The following ENTPD7 variants were observed in gnomAD, a reference collection of about 807,000 sequenced individuals.
ENTPD7 encodes ectonucleoside triphosphate diphosphohydrolase 7, also known as NTPDase 7.
Under a neutral mutation model 77.9 loss-of-function variants are expected in ENTPD7, and 53 were observed. The ratio of observed to expected loss-of-function variants is 0.68; its 90% CI spans 0.55 to 0.85. The LOEUF (loss-of-function observed/expected upper bound fraction) is 0.85, where lower values mean the gene tolerates loss of function less well. Among genes scored for constraint, ENTPD7 ranks in the 40% least tolerant of loss-of-function variants. ENTPD7 has a pLI of 0.00. For synonymous variants in ENTPD7, 248 were observed against 274.9 expected, an observed-to-expected ratio of 0.90 and a Z score of 0.97; for missense variants, 636 against 743.7, an observed-to-expected ratio of 0.86 and a Z score of 1.68.
chr10:99,702,815 A>C (rs946679083), intron 12 of ENTPD7, 142 bp downstream of exon 12: 2 of 659,018 alleles, frequency 3.0e-6, no homozygotes, highest in Non-Finnish European at 4.6e-6. Context: ...ACAAAAACAA[A>C]CTCCTTTACT....
intron 3 of ENTPD7, among the ~76,000 whole-genome samples, chr10:99,674,256 T>C (rs1209003565): frequency 6.6e-6 from 1 of 152,212 alleles, no homozygotes; most frequent in African/African-American, 2.4e-5. Context: ...TGAGACACTT[T>C]TGGGAGTCTG....
At chr10:99,698,974 C>A in intron 10 of ENTPD7, 116 bp downstream of exon 10, 1 of 976,496 alleles carries the variant, frequency 1.0e-6, no homozygotes, top group Non-Finnish European at 1.5e-6. Context: ...TTGTTCTTTG[C>A]AGGAGCCCTT....
rs2036294261 is a variant in ENTPD7 at position 99,708,450 on chromosome 10, TC to T, written c.*3768del. Among the ~76,000 whole-genome samples, 1 of 152,226 alleles carries T rather than the reference TC, an allele frequency of 6.6e-6. No homozygotes were observed. Among genetic ancestry groups the T allele is most frequent in the Admixed American group, 6.5e-5 (1 of 15,286 alleles). On this transcript the variant is annotated 3_prime_UTR_variant, in exon 13 of 13. Coordinates refer to ENST00000370489, the MANE Select transcript of ENTPD7 (RefSeq NM_020354.5). Reference sequence around the variant, plus strand: ...ACGAATAGCAGACCTGGATTCTAGTTCTGGCTTTGTCATTTACTAGCTCTGG... The same window carrying T: ...ACGAATAGCAGACCTGGATTCTAGTTTGGCTTTGTCATTTACTAGCTCTGG...
intron 3 of ENTPD7, among the ~76,000 whole-genome samples, chr10:99,668,340 A>G (rs558520877): frequency 2.0e-5 from 3 of 152,276 alleles, no homozygotes; most frequent in South Asian, 4.1e-4. Context: ...AGGTGAATCT[A>G]ATATACCACC....
intron 3 of ENTPD7, among the ~76,000 whole-genome samples, chr10:99,674,026 G>A (rs745730671): frequency 3.9e-5 from 6 of 152,252 alleles, no homozygotes; most frequent in East Asian, 3.9e-4. Flanking sequence ...GAATATTGAC[G>A]TCCACATTTT....
At chr10:99,687,104 A>G (rs1278100147) in intron 6 of ENTPD7, among the ~76,000 whole-genome samples, 23 of 150,624 alleles carry the variant, frequency 1.5e-4, no homozygotes, top group Middle Eastern at 3.4e-3. Flanking sequence ...TTTAGTAGAG[A>G]CAGGGTTTCA....
intron 3 of ENTPD7, among the ~76,000 whole-genome samples, chr10:99,668,395 G>A (rs1379852931): frequency 2.0e-5 from 3 of 152,168 alleles, no homozygotes; most frequent in Non-Finnish European, 4.4e-5. Context: ...ATTTACTTAA[G>A]GAGGTATTGT....
chr10:99,681,336 T>C (rs2035751453), intron 5 of ENTPD7, among the ~76,000 whole-genome samples: 1 of 152,108 alleles, frequency 6.6e-6, no homozygotes, highest in South Asian at 2.1e-4. Context: ...TGGAGTGCAA[T>C]GGCATGATCT....
At chr10:99,694,451 T>C (rs550345542) in intron 8 of ENTPD7, among the ~76,000 whole-genome samples, 3 of 152,312 alleles carry the variant, frequency 2.0e-5, no homozygotes, top group Non-Finnish European at 2.9e-5. Flanking sequence ...CTGATGAACA[T>C]TTCAGTGGTT....
chr10:99,703,296 T>C (rs1393649831), intron 12 of ENTPD7, among the ~76,000 whole-genome samples: 1 of 152,226 alleles, frequency 6.6e-6, no homozygotes, highest in African/African-American at 2.4e-5. Context: ...TTTGTATCTT[T>C]GATGTCTGTT....
At chr10:99,687,899 G>C (rs913693603) in intron 6 of ENTPD7, among the ~76,000 whole-genome samples, 1 of 152,040 alleles carries the variant, frequency 6.6e-6, no homozygotes, top group Non-Finnish European at 1.5e-5. Flanking sequence ...AGGGCCAAGC[G>C]GTAGGAGGAC....
At chr10:99,698,097 C>G in intron 9 of ENTPD7, 1 of 208,450 alleles carries the variant, frequency 4.8e-6, no homozygotes, top group Non-Finnish European at 9.8e-6. Context: ...CCAGCCATTG[C>G]ACATGGGCCA....
intron 3 of ENTPD7, among the ~76,000 whole-genome samples, 173 bp downstream of exon 3, chr10:99,661,801 C>T (rs1343039504): frequency 6.6e-6 from 1 of 152,130 alleles, no homozygotes; most frequent in African/African-American, 2.4e-5. Context: ...CAGTTTGGTA[C>T]AGGAATACTG....
chr10:99,667,148 C>T (rs761572222), intron 3 of ENTPD7, among the ~76,000 whole-genome samples: 4 of 152,202 alleles, frequency 2.6e-5, no homozygotes, highest in Admixed American at 6.5e-5. Context: ...GCCACTGTGG[C>T]GACCTCACCA....
chr10:99,677,193 G>A (rs1189421332), intron 3 of ENTPD7, among the ~76,000 whole-genome samples: 5 of 151,918 alleles, frequency 3.3e-5, no homozygotes, highest in African/African-American at 1.2e-4. Flanking sequence ...TCACTTACAT[G>A]GGCTTTTTTT....
chr10:99,666,256 G>T lies in ENTPD7; in HGVS notation c.191+4628G>T, dbSNP rs7096764. ...AGAGTCTCACTCTGTCACCCAGGCCGGAGTGCAGTGGCGCTATCTCGGCTC... is the reference window on the plus strand; with the variant it reads ...AGAGTCTCACTCTGTCACCCAGGCCTGAGTGCAGTGGCGCTATCTCGGCTC... On this transcript the variant is annotated intron_variant, in intron 3 of 12. Transcript: ENST00000370489. Among the ~76,000 whole-genome samples the T allele has an allele frequency of 2.6e-5, 4 of 151,702 alleles. No homozygotes were observed. In the East Asian group the frequency reaches 7.8e-4, roughly 29 times the overall value.
chr10:99,661,691 T>C, intron 3 of ENTPD7, 63 bp downstream of exon 3: 3 of 1,401,444 alleles, frequency 2.1e-6, no homozygotes, highest in Non-Finnish European at 1.9e-6. Context: ...TTTAACACAC[T>C]ACTGACTTTG....
In ENTPD7 at chr10:99,710,484, T is replaced by C. The variant is rs1172203605; in HGVS notation, c.*5801T>C. Reference sequence around the variant, plus strand: ...AAAACCAAAGGCTGCCTGTATTACATTGCTTTGGGGAGTTGTTAAGACTCT... The same window carrying C: ...AAAACCAAAGGCTGCCTGTATTACACTGCTTTGGGGAGTTGTTAAGACTCT... On this transcript the variant is annotated 3_prime_UTR_variant, in exon 13 of 13. Coordinates refer to ENST00000370489, the MANE Select transcript of ENTPD7 (RefSeq NM_020354.5). 7.1e-6 allele frequency: 7 copies of C among 985,324 alleles called. No homozygotes were observed. The highest frequency in any genetic ancestry group is 8.4e-6 in the Non-Finnish European group (7 of 829,942). 61.0% of individuals were successfully genotyped at this position (985,324 alleles called of 1,614,324 possible).
At chr10:99,665,048 C>T (rs1280652650) in intron 3 of ENTPD7, among the ~76,000 whole-genome samples, 3 of 151,898 alleles carry the variant, frequency 2.0e-5, no homozygotes, top group East Asian at 2.0e-4. Context: ...CTCAAGAGTT[C>T]GAGACCAACC....
Sources: allele counts gnomAD v4.1 joint callset (sites outside exome capture counted in the v4.1 genomes callset), GRCh38; gene constraint gnomAD v4.1.1; transcripts MANE v1.5; gene names NCBI Gene and HGNC (gene_info 2026-07-23, HGNC 2026-07-21).